The following FMN2 variants were observed in gnomAD, a reference collection of about 807,000 sequenced individuals.
The protein encoded by FMN2 is formin-2.
In FMN2, 51 loss-of-function variants were observed where a neutral mutation model predicts 142.3. The ratio of observed to expected loss-of-function variants is 0.36; its 90% confidence interval spans 0.29 to 0.45. The LOEUF (loss-of-function observed/expected upper bound fraction) is 0.45. Ranked by LOEUF, FMN2 falls within the 20% of genes least tolerant of loss-of-function variation. The probability of loss-of-function intolerance (pLI) is 1.00; values close to 1 mark genes in which losing one functional copy is unlikely to be tolerated. For synonymous variants in FMN2, 882 were observed against 869.8 expected, an observed-to-expected ratio of 1.01 and a Z score of -0.25; for missense variants, 1,936 against 2,122.8, an observed-to-expected ratio of 0.91 and a Z score of 1.73.
chr1:240,441,516 A>G (rs1263901292), intron 16 of FMN2, among the ~76,000 whole-genome samples: 1 of 151,728 alleles, frequency 6.6e-6, no homozygotes, highest in Non-Finnish European at 1.5e-5. Flanking sequence ...TATCCTATTT[A>G]CTATCAACCT....
At chr1:240,267,435 G>A (rs1404664619) in intron 7 of FMN2, among the ~76,000 whole-genome samples, 1 of 151,984 alleles carries the variant, frequency 6.6e-6, no homozygotes, top group South Asian at 2.1e-4. Flanking sequence ...GCTTAATGAC[G>A]AGAACACGTG....
intron 7 of FMN2, among the ~76,000 whole-genome samples, chr1:240,274,049 C>T (rs1294024250): frequency 6.6e-6 from 1 of 152,046 alleles, no homozygotes; most frequent in African/African-American, 2.4e-5. Context: ...GCTTTCTTTC[C>T]TTCCTTGATT....
intron 1 of FMN2, among the ~76,000 whole-genome samples, chr1:240,098,013 A>G (rs1487291054): frequency 6.6e-6 from 1 of 151,728 alleles, no homozygotes. Context: ...GAGCTTTTGG[A>G]GGACTAGCTA....
At chr1:240,303,524 A>C (rs759335531) in intron 8 of FMN2, among the ~76,000 whole-genome samples, 20 of 152,174 alleles carry the variant, frequency 1.3e-4, no homozygotes, top group Non-Finnish European at 2.5e-4. Flanking sequence ...AGAAATCTGC[A>C]GAGATTCTTA....
rs147945249 is a variant in FMN2, at chr1:240,178,007, A to C, written c.1869A>C (p.Pro623=). 1 of 1,612,612 alleles carries C rather than the reference A, an allele frequency of 6.2e-7. No individual in the cohort carries two copies. Among genetic ancestry groups the C allele is most frequent in the Non-Finnish European group, 8.5e-7 (1 of 1,179,514 alleles). ...YSEGQFPRRV[P]SMGPPSKPPD... ...AAGGGCAGTTTCCTAGGCGAGTTCC[A>C]TCCATGGGGCCACCATCCAAACCTC... Residue 623 remains proline, a synonymous_variant, in exon 3 of 18, where the codon CCA becomes CCC. Coordinates refer to ENST00000319653, the MANE Select transcript of FMN2 (RefSeq NM_020066.5).
At chr1:240,407,177 G>T (rs942519340) in intron 15 of FMN2, among the ~76,000 whole-genome samples, 1 of 151,102 alleles carries the variant, frequency 6.6e-6, no homozygotes. Flanking sequence ...TCGCTCTGTA[G>T]CCCAGGCTGG....
intron 6 of FMN2, among the ~76,000 whole-genome samples, chr1:240,215,505 G>A (rs1175132066): frequency 6.6e-6 from 1 of 152,100 alleles, no homozygotes; most frequent in African/African-American, 2.4e-5. Flanking sequence ...TGATAATTAT[G>A]GATGTGGAAT....
intron 7 of FMN2, among the ~76,000 whole-genome samples, chr1:240,279,225 G>A (rs1262254894): frequency 6.6e-6 from 1 of 152,096 alleles, no homozygotes; most frequent in African/African-American, 2.4e-5. Flanking sequence ...ATTGAAGGAT[G>A]TTAGGAAGCT....
At chr1:240,333,834 A>G (rs1345208848) in intron 11 of FMN2, 53 bp from the exon 12 acceptor site, 20 of 1,374,280 alleles carry the variant, frequency 1.5e-5, no homozygotes, top group Non-Finnish European at 1.9e-5. Context: ...GTAACACTTT[A>G]TATTTAATTA....
intron 14 of FMN2, among the ~76,000 whole-genome samples, chr1:240,383,460 A>G (rs913753761): frequency 3.3e-5 from 5 of 152,212 alleles, no homozygotes; most frequent in African/African-American, 1.2e-4. Context: ...CTTAAAGAAG[A>G]CATATAAGTA....
rs1426865851 is a variant in FMN2 at position 240,092,536 on chromosome 1, G to A, written c.427G>A (p.Gly143Ser). The A allele has an allele frequency of 1.9e-6, 3 of 1,611,160 alleles. No homozygotes were observed. Among genetic ancestry groups the A allele is most frequent in the Non-Finnish European group, 2.5e-6 (3 of 1,178,912 alleles). Residue 143 changes from glycine to serine, a missense_variant, in exon 1 of 18, where the codon GGT becomes AGT. Gly to Ser is a moderately conservative substitution (Grantham distance 56). Coordinates refer to ENST00000319653, the MANE Select transcript of FMN2 (RefSeq NM_020066.5). ...TECADPFEVT[G>S]PGGPGPAEAR... ...GTGTGCGGACCCTTTTGAGGTGACC[G>A]GTCCAGGGGGTCCTGGGCCTGCCGA...
At chr1:240,342,563 A>G (rs1231013935) in intron 13 of FMN2, among the ~76,000 whole-genome samples, 1 of 152,154 alleles carries the variant, frequency 6.6e-6, no homozygotes, top group Non-Finnish European at 1.5e-5. Context: ...CAGATTTATA[A>G]TTACTGGATC....
At chr1:240,373,308 T>C (rs1672934875) in intron 14 of FMN2, among the ~76,000 whole-genome samples, 1 of 152,162 alleles carries the variant, frequency 6.6e-6, no homozygotes, top group Admixed American at 6.6e-5. Flanking sequence ...GGTTGCTGAA[T>C]ATTGGGGTAG....
At chr1:240,333,761 A>G (rs1299273974) in intron 11 of FMN2, 126 bp from the exon 12 acceptor site, 2 of 732,278 alleles carry the variant, frequency 2.7e-6, no homozygotes, top group Non-Finnish European at 4.2e-6. Flanking sequence ...CCAAAATGTA[A>G]AATTTCACAT....
At position 240,304,863 on chromosome 1, in the gene FMN2, G is replaced by T. The variant is rs538275022; in HGVS notation, c.4215+9980G>T. On this transcript the variant is annotated intron_variant, in intron 8 of 17. Coordinates refer to ENST00000319653, the MANE Select transcript of FMN2 (RefSeq NM_020066.5). ...GTGGGGGATAGGTAGCTGCTGATCTGCTAAGAGCTGACATTGACTAAAATT... is the reference window on the plus strand; with the variant it reads ...GTGGGGGATAGGTAGCTGCTGATCTTCTAAGAGCTGACATTGACTAAAATT... Among the ~76,000 whole-genome samples the T allele has an allele frequency of 5.3e-5, 8 of 152,316 alleles. No individual in the cohort carries two copies. The East Asian group carries it at 1.5e-3, about 29-fold the overall frequency.
chr1:240,142,507 G>C (rs1302167866), intron 2 of FMN2, among the ~76,000 whole-genome samples: 1 of 28,744 alleles, frequency 3.5e-5, no homozygotes, highest in Non-Finnish European at 7.2e-5. Context: ...ATATTTTTTG[G>C]GGGGGGATAA....
chr1:240,432,416 T>G (rs1313233442), intron 15 of FMN2, among the ~76,000 whole-genome samples: 1 of 151,912 alleles, frequency 6.6e-6, no homozygotes, highest in Non-Finnish European at 1.5e-5. Context: ...TGGGTAGGGG[T>G]TTATCAATTT....
intron 13 of FMN2, among the ~76,000 whole-genome samples, chr1:240,347,735 C>A (rs1214680175): frequency 6.6e-6 from 1 of 152,132 alleles, no homozygotes; most frequent in African/African-American, 2.4e-5. Flanking sequence ...TCGCGCTCAT[C>A]TTTATGTCTG....
At chr1:240,311,143 T>C (rs1395675773) in intron 8 of FMN2, among the ~76,000 whole-genome samples, 3 of 152,112 alleles carry the variant, frequency 2.0e-5, no homozygotes, top group Admixed American at 6.5e-5. Context: ...CTTCTCAGGA[T>C]TGGATTTCAC....
Sources: gnomAD v4.1 joint callset for allele counts (sites outside exome capture counted in the v4.1 genomes callset) on GRCh38, gnomAD v4.1.1 for gene constraint, MANE v1.5 for transcripts, NCBI Gene and HGNC (gene_info 2026-07-23, HGNC 2026-07-21) for gene names.